Variants in C15orf39 observed in about 807,000 individuals in gnomAD.
C15orf39 encodes the protein uncharacterized protein C15orf39.
In C15orf39, 24 loss-of-function variants were observed where a neutral mutation model predicts 53.9. That is an observed-to-expected ratio of 0.45 (90% CI 0.32 to 0.63). The LOEUF (loss-of-function observed/expected upper bound fraction) is 0.63. Ranked by LOEUF, C15orf39 falls within the 20% of genes least tolerant of loss-of-function variation. The pLI is 0.04. For missense variants in C15orf39, 1,271 were observed against 1,347.9 expected (o/e 0.94, Z 0.89); for synonymous variants, 569 against 576.5 (o/e 0.99, Z 0.19).
intron 1 of C15orf39, among the ~76,000 whole-genome samples, 191 bp from the exon 2 acceptor site, chr15:75,205,808 C>T (rs1377283947): frequency 1.3e-5 from 2 of 151,918 alleles, no homozygotes; most frequent in Non-Finnish European, 2.9e-5. Flanking sequence ...AGAGTGAGAC[C>T]CTGCCTCAAA....
upstream of C15orf39, among the ~76,000 whole-genome samples, chr15:75,200,965 A>C (rs2070397104): frequency 6.6e-6 from 1 of 151,990 alleles, no homozygotes. Flanking sequence ...ACTCAGGCAG[A>C]ACTTACCTTT....
At position 75,208,797 on chromosome 15, in the gene C15orf39, T is replaced by C. The variant is rs556130347; in HGVS notation, c.2749T>C (p.Trp917Arg). Reference protein sequence around the residue: ...DIYPDLLGLQWRDCVRRQLGD... With the variant: ...DIYPDLLGLQRRDCVRRQLGD... ...TTACCCCGACCTTCTCGGCCTGCAG[T>C]GGCGCGACTGTGTACGCCGCCAGCT... The change falls in exon 2 of 3, where the codon TGG becomes CGG. Residue 917 changes from tryptophan to arginine, a missense_variant. Trp to Arg is a moderately radical substitution (Grantham distance 101). Around this residue, in one of 2 missense-constraint regions of C15orf39, gnomAD observed 277 missense variants for 354.1 expected, o/e 0.78. Coordinates refer to ENST00000394987, the MANE Select transcript of C15orf39 (RefSeq NM_015492.5). 8 of 1,605,262 alleles carry C rather than the reference T, an allele frequency of 5.0e-6. No homozygotes were observed. The highest frequency in any genetic ancestry group is 1.3e-5 in the African/African-American group (1 of 74,884).
chr15:75,206,316 A>G lies in C15orf39; in HGVS notation c.268A>G (p.Asn90Asp), dbSNP rs1195578136. ...ACTTCAGGCAGACAACCTGCTGACC[A>G]ACTGCCTGTTCTACCGCTCGCCAGC... ...PPLQADNLLT[N>D]CLFYRSPAEG... is the part of the protein sequence containing the mutation. Residue 90 changes from asparagine (N) to aspartate (D), a missense_variant, in exon 2 of 3, where the codon AAC (asparagine) becomes GAC (aspartate). Asn to Asp is a conservative substitution (Grantham distance 23). Transcript: ENST00000394987. The G allele has an allele frequency of 6.2e-7, 1 of 1,614,020 alleles. No homozygotes were observed. The highest frequency in any genetic ancestry group is 1.7e-5 in the Admixed American group (1 of 60,002).
chr15:75,210,273 C>A (rs2070473886), intron 2 of C15orf39, among the ~76,000 whole-genome samples: 1 of 152,186 alleles, frequency 6.6e-6, no homozygotes, highest in South Asian at 2.1e-4. Context: ...GACAGTTATC[C>A]CTGCCTTCCT....
rs1414634416 is a variant in C15orf39, at chr15:75,206,073, A to ACCCTG, written c.26_30dup (p.Gly11ProfsTer5). 6.2e-7 allele frequency: 1 copy of ACCCTG among 1,609,960 alleles called. No homozygotes were observed. Among genetic ancestry groups the ACCCTG allele is most frequent in the South Asian group, 1.1e-5 (1 of 90,386 alleles). ...GATGGCAGAGAAGCGACCCCTGAGAACCCTGGGGCCTGTGATGTATGGCAA... is the reference window on the plus strand; with the variant it reads ...GATGGCAGAGAAGCGACCCCTGAGAACCCTGCCCTGGGGCCTGTGATGTATGGCAA... On this transcript the variant is annotated frameshift_variant, in exon 2 of 3. Coordinates refer to ENST00000394987, the MANE Select transcript of C15orf39 (RefSeq NM_015492.5). LOFTEE classifies it high-confidence loss of function.
chr15:75,207,383 C>T lies in C15orf39; in HGVS notation c.1335C>T (p.Cys445=), dbSNP rs1047908662. 6.2e-7 allele frequency: 1 copy of T among 1,613,394 alleles called. No individual in the cohort carries two copies. The highest frequency in any genetic ancestry group is 8.5e-7 in the Non-Finnish European group (1 of 1,180,016). The change falls in exon 2 of 3, where the codon TGC becomes TGT. Residue 445 remains cysteine (C), a synonymous_variant. Transcript: ENST00000394987. ...EAEEKTWLPS[C]RKEKLQPRLS... ...AAGAGAAGACCTGGCTGCCCAGCTGCAGGAAAGAGAAGCTCCAGCCCCGGC... is the reference window on the plus strand; with the variant it reads ...AAGAGAAGACCTGGCTGCCCAGCTGTAGGAAAGAGAAGCTCCAGCCCCGGC...
At chr15:75,202,592 G>C (rs546709210) in intron 1 of C15orf39, among the ~76,000 whole-genome samples, 1 of 152,342 alleles carries the variant, frequency 6.6e-6, no homozygotes, top group South Asian at 2.1e-4. Flanking sequence ...ATCGCCCTGA[G>C]GCGGAGGCTG....
intron 2 of C15orf39, among the ~76,000 whole-genome samples, chr15:75,210,289 G>A (rs1463835912): frequency 1.3e-5 from 2 of 152,180 alleles, no homozygotes; most frequent in African/African-American, 4.8e-5. Context: ...TTCCTTTGTT[G>A]TGGGTGGGTT....
chr15:75,204,611 A>C (rs1049945702), intron 1 of C15orf39, among the ~76,000 whole-genome samples: 1 of 152,144 alleles, frequency 6.6e-6, no homozygotes, highest in Non-Finnish European at 1.5e-5. Flanking sequence ...GAGTTCACGC[A>C]ATTCTCCTGC....
At position 75,211,236 on chromosome 15, in the gene C15orf39, A is replaced by T. The variant is rs1013239245; in HGVS notation, c.*120A>T. ...GTGGCTGCTCCCCTGGAGGGGTTCC[A>T]TCTCTGACCCTGTGGCCCATTCAGG... On this transcript the variant is annotated 3_prime_UTR_variant, in exon 3 of 3. Coordinates refer to ENST00000394987, the MANE Select transcript of C15orf39 (RefSeq NM_015492.5). 1.4e-5 allele frequency: 19 copies of T among 1,372,972 alleles called. No individual in the cohort carries two copies. The highest frequency in any genetic ancestry group is 1.8e-5 in the Non-Finnish European group (19 of 1,028,948). The allele number at this position is 1,372,972 out of a possible 1,614,324, so 85.0% of individuals were successfully genotyped here. A position where few individuals can be genotyped will look rare whatever the true frequency, so the allele number is the denominator to read the frequency against.
rs1444551025 is a variant in C15orf39 at position 75,208,692 on chromosome 15, C to T, written c.2644C>T (p.Arg882Trp). 4 of 1,606,982 alleles carry T rather than the reference C, an allele frequency of 2.5e-6. No homozygotes were observed. The highest frequency in any genetic ancestry group is 2.2e-5 in the East Asian group (1 of 44,832). ...ELRPTTLSEE[R>W]ALRELALPGC... is the part of the protein sequence containing the mutation. ...GCGGCCCACCACGCTGTCGGAGGAG[C>T]GGGCACTGCGGGAGCTCGCCCTGCC... The change falls in exon 2 of 3, where the codon CGG becomes TGG. Residue 882 changes from arginine (R) to tryptophan (W), a missense_variant. Around this residue, in one of 2 missense-constraint regions of C15orf39, gnomAD observed 277 missense variants for 354.1 expected, o/e 0.78. Transcript: ENST00000394987.
chr15:75,199,548 G>A (rs1217656547), upstream of C15orf39, among the ~76,000 whole-genome samples: 2 of 152,242 alleles, frequency 1.3e-5, no homozygotes, highest in African/African-American at 4.8e-5. Context: ...GTAAATAGCA[G>A]GTGTGGCCTC....
upstream of C15orf39, among the ~76,000 whole-genome samples, chr15:75,199,684 G>C (rs1278350090): frequency 2.0e-5 from 3 of 152,070 alleles, no homozygotes; most frequent in East Asian, 5.8e-4. Flanking sequence ...GGGTGGAAGA[G>C]GAGTGTGTGT....
rs994383323 is a variant in C15orf39 at position 75,207,152 on chromosome 15, A to G, written c.1104A>G (p.Pro368=). ...KLEPPLTPRC[P]LDFAPQTLSF... is the part of the protein sequence containing the mutation. ...AGCCGCCTCTCACTCCACGGTGCCC[A>G]TTGGACTTTGCCCCCCAGACACTGA... is the stretch of plus-strand genomic sequence containing the variant. The change falls in exon 2 of 3, where the codon CCA becomes CCG. Residue 368 remains proline (P), a synonymous_variant. Coordinates refer to ENST00000394987, the MANE Select transcript of C15orf39 (RefSeq NM_015492.5). 1.9e-6 allele frequency: 3 copies of G among 1,613,506 alleles called. No individual in the cohort carries two copies. The highest frequency in any genetic ancestry group is 2.7e-5 in the African/African-American group (2 of 74,774).
Position 75,206,704 on chromosome 15 carries a change from C to T in C15orf39, c.656C>T (p.Thr219Ile). 3.1e-6 allele frequency: 5 copies of T among 1,613,820 alleles called. No individual in the cohort carries two copies. Among genetic ancestry groups the T allele is most frequent in the Non-Finnish European group, 4.2e-6 (5 of 1,179,962 alleles). Residue 219 changes from threonine (T) to isoleucine (I), a missense_variant, in exon 2 of 3, where the codon ACC becomes ATC. Transcript: ENST00000394987. ...CAGCCCTTCCTGGAGAAATATCAGA[C>T]CATCCACAGCACGGGCTTCCTGGCC... ...PCQPFLEKYQTIHSTGFLASR... is the reference protein window; with the variant it reads ...PCQPFLEKYQIIHSTGFLASR...
At chr15:75,202,930 T>C (rs552459653) in intron 1 of C15orf39, among the ~76,000 whole-genome samples, 1 of 152,302 alleles carries the variant, frequency 6.6e-6, no homozygotes, top group Non-Finnish European at 1.5e-5. Context: ...CTGTGGGCCC[T>C]AGGCACCCGA....
At chr15:75,201,043 C>A (rs2070397602), upstream of C15orf39, among the ~76,000 whole-genome samples, 1 of 152,166 alleles carries the variant, frequency 6.6e-6, no homozygotes, top group Non-Finnish European at 1.5e-5. The surrounding 1 kb of genome is among the most constrained non-coding windows in gnomAD (Gnocchi z 4.7). Context: ...CTGCCCTCCC[C>A]TTCCCCACTG....
Position 75,208,218 on chromosome 15 carries a change from G to T in C15orf39, c.2170G>T (p.Ala724Ser), listed in dbSNP as rs2070455627. 1.2e-6 allele frequency: 2 copies of T among 1,613,210 alleles called. No homozygotes were observed. The highest frequency in any genetic ancestry group is 2.7e-5 in the African/African-American group (2 of 74,900). Residue 724 changes from alanine to serine, a missense_variant, in exon 2 of 3, where the codon GCT becomes TCT. By Grantham distance (99) the Ala-to-Ser change is moderately conservative. Transcript: ENST00000394987. The stretch of plus-strand genomic sequence containing the variant: ...TGTGGCCTCCCCTGCCCCTGCTCCA[G>T]CTCCATCCCCTGCTCCGGCTCGAGC... ...VAVASPAPAPAPSPAPARAQA... is the reference protein window; with the variant it reads ...VAVASPAPAPSPSPAPARAQA...
At chr15:75,202,587 C>T (rs914139026) in intron 1 of C15orf39, among the ~76,000 whole-genome samples, 31 of 149,766 alleles carry the variant, frequency 2.1e-4, no homozygotes, top group African/African-American at 7.2e-4. Context: ...GCAGGATCGC[C>T]CTGAGGCGGA....
Sources: allele counts gnomAD v4.1 joint callset (sites outside exome capture counted in the v4.1 genomes callset), GRCh38; gene constraint gnomAD v4.1.1; regional missense constraint gnomAD v4.1.1; non-coding constraint Gnocchi (gnomAD v3.1); transcripts MANE v1.5; gene names NCBI Gene and HGNC (gene_info 2026-07-23, HGNC 2026-07-21).